The following CYB5B variants were observed in gnomAD, a reference collection of about 807,000 sequenced individuals.
The protein encoded by CYB5B is cytochrome b5 type B (outer mitochondrial membrane).
Under a neutral mutation model 21.3 loss-of-function variants are expected in CYB5B, and 14 were observed. That is an observed-to-expected ratio of 0.66 (90% CI 0.43 to 1.03). The LOEUF is 1.03. Among genes scored for constraint, CYB5B ranks in the 50% least tolerant of loss-of-function variants. CYB5B has a pLI of 0.00. For synonymous variants in CYB5B, 69 were observed against 68.4 expected, an observed-to-expected ratio of 1.01 and a Z score of -0.04; for missense variants, 166 against 185.1, an observed-to-expected ratio of 0.90 and a Z score of 0.60.
chr16:69,459,991 T>A (rs1013708722), intron 4 of CYB5B, among the ~76,000 whole-genome samples: 3 of 151,974 alleles, frequency 2.0e-5, no homozygotes, highest in African/African-American at 7.3e-5. Flanking sequence ...TGGCTCACGC[T>A]TGTAATCCCA....
At chr16:69,438,977 T>C (rs1232969756) in intron 1 of CYB5B, among the ~76,000 whole-genome samples, 1 of 152,230 alleles carries the variant, frequency 6.6e-6, no homozygotes, top group African/African-American at 2.4e-5. Context: ...TTATCTGTTT[T>C]TTTTTGTTGT....
intron 1 of CYB5B, among the ~76,000 whole-genome samples, chr16:69,440,745 C>CGTGTGTGTGTGGGT (rs1555509701): frequency 6.8e-6 from 1 of 146,318 alleles, no homozygotes; most frequent in African/African-American, 2.6e-5. Context: ...GTGTGTGTTG[C>CGTGTGTGTGTGGGT]GTGTGTGTGT....
In CYB5B at chr16:69,440,014, G is replaced by A. The variant is rs143924584; in HGVS notation, c.175-7136G>A. Among the ~76,000 whole-genome samples, 1,514 of 152,146 alleles carry A rather than the reference G, an allele frequency of 1.0e-2. 29 individuals are homozygous for A. The highest frequency in any genetic ancestry group is 0.033 in the African/African-American group (1,386 of 41,494). On this transcript the variant is annotated intron_variant, in intron 1 of 4. Coordinates refer to ENST00000307892, the MANE Select transcript of CYB5B (RefSeq NM_030579.3). ...CTCCCAAGTAGCTGGGACTACAGATGTGCACCACCACACCTGGCCAATTTT... is the reference window on the plus strand; with the variant it reads ...CTCCCAAGTAGCTGGGACTACAGATATGCACCACCACACCTGGCCAATTTT...
chr16:69,442,145 C>CAAG (rs1610970), intron 1 of CYB5B, among the ~76,000 whole-genome samples: 129,694 of 151,914 alleles, frequency 0.85, 55,794 homozygotes, highest in African/African-American at 0.95. Context: ...GCTTGGATCT[C>CAAG]AAAATAGGAG....
chr16:69,448,019 G>T, intron 2 of CYB5B, 96 bp from the exon 3 acceptor site: 1 of 1,300,484 alleles, frequency 7.7e-7, no homozygotes, highest in Admixed American at 2.1e-5. Flanking sequence ...ACTATCACCA[G>T]AATATAGTCT....
In CYB5B at chr16:69,424,786, C is replaced by T; in HGVS notation, c.103C>T (p.Arg35Cys). 1 of 1,609,170 alleles carries T rather than the reference C, an allele frequency of 6.2e-7. No homozygotes were observed. Among genetic ancestry groups the T allele is most frequent in the Non-Finnish European group, 8.5e-7 (1 of 1,177,648 alleles). ...TYYRLEEVAK[R>C]NSLKELWLVI... ...TTACCGGTTGGAGGAGGTGGCAAAG[C>T]GCAACTCCTTGAAGGAACTGTGGCT... Residue 35 changes from arginine to cysteine, a missense_variant, in exon 1 of 5, where the codon CGC becomes TGC. Coordinates refer to ENST00000307892, the MANE Select transcript of CYB5B (RefSeq NM_030579.3).
intron 2 of CYB5B, among the ~76,000 whole-genome samples, chr16:69,447,571 A>C (rs1227317916): frequency 6.6e-6 from 1 of 151,202 alleles, no homozygotes; most frequent in Non-Finnish European, 1.5e-5. Flanking sequence ...TGAACCTGGG[A>C]GGCAGAGGTT....
intron 1 of CYB5B, among the ~76,000 whole-genome samples, chr16:69,446,320 TA>T (rs2014877590): frequency 6.6e-6 from 1 of 152,166 alleles, no homozygotes; most frequent in Non-Finnish European, 1.5e-5. Flanking sequence ...ATAGTTAACT[TA>T]TTTATTTATT....
intron 1 of CYB5B, among the ~76,000 whole-genome samples, chr16:69,445,662 T>C (rs887095540): frequency 6.6e-6 from 1 of 152,210 alleles, no homozygotes; most frequent in Non-Finnish European, 1.5e-5. Flanking sequence ...TAATGCTTTA[T>C]TTGGTAAAAC....
intron 1 of CYB5B, among the ~76,000 whole-genome samples, chr16:69,434,290 C>T (rs1439662452): frequency 6.6e-6 from 1 of 152,158 alleles, no homozygotes; most frequent in Non-Finnish European, 1.5e-5. Context: ...TGGGTTGTCT[C>T]CAGTTTGGGG....
chr16:69,456,114 C>T (rs755883971), intron 3 of CYB5B, among the ~76,000 whole-genome samples: 1 of 151,850 alleles, frequency 6.6e-6, no homozygotes, highest in Admixed American at 6.6e-5. Flanking sequence ...CTAAAAAGTC[C>T]GTCTTTTGTG....
chr16:69,437,724 C>T (rs527472774), intron 1 of CYB5B, among the ~76,000 whole-genome samples: 5 of 152,168 alleles, frequency 3.3e-5, no homozygotes, highest in East Asian at 1.9e-4. Context: ...AAAACTTTTT[C>T]GTTACCACTC....
rs938599482 is a variant in CYB5B at position 69,464,154 on chromosome 16, A to G, written c.*1634A>G. The G allele has an allele frequency of 3.9e-5, 6 of 152,196 alleles. No individual in the cohort carries two copies. The highest frequency in any genetic ancestry group is 8.8e-5 in the Non-Finnish European group (6 of 68,042). The allele number at this position is 152,196 out of a possible 1,614,324, so 9.4% of individuals were successfully genotyped here. A position where few individuals can be genotyped will look rare whatever the true frequency, so the allele number is the denominator to read the frequency against. ...AAACCAGGGACTGCCCATGTAAACT[A>G]TTTAAGAAAAAGTTCAACCCAGGTC... On this transcript the variant is annotated 3_prime_UTR_variant, in exon 5 of 5. Coordinates refer to ENST00000307892, the MANE Select transcript of CYB5B (RefSeq NM_030579.3).
chr16:69,428,740 G>C (rs544244893), intron 1 of CYB5B, among the ~76,000 whole-genome samples: 1 of 152,238 alleles, frequency 6.6e-6, no homozygotes, highest in South Asian at 2.1e-4. Flanking sequence ...AAATTTTAGC[G>C]ATGGTGCCGA....
At chr16:69,436,681 G>A (rs191710520) in intron 1 of CYB5B, among the ~76,000 whole-genome samples, 1 of 152,186 alleles carries the variant, frequency 6.6e-6, no homozygotes, top group Admixed American at 6.5e-5. Flanking sequence ...TCATCACTAG[G>A]CCTAATTTTG....
At chr16:69,448,198 CT>C (rs1250521757) in intron 3 of CYB5B, 54 bp downstream of exon 3, 10 of 1,579,262 alleles carry the variant, frequency 6.3e-6, no homozygotes, top group Middle Eastern at 1.7e-4. Context: ...TCAAGTAGGA[CT>C]GCTTTTTGAA....
intron 1 of CYB5B, 33 bp from the exon 2 acceptor site, chr16:69,447,117 A>G (rs966497115): frequency 4.4e-6 from 7 of 1,604,898 alleles, no homozygotes; most frequent in African/African-American, 2.7e-5. Context: ...TTTTCAGAGA[A>G]CCCTCGGTTC....
intron 1 of CYB5B, among the ~76,000 whole-genome samples, chr16:69,434,106 AC>A (rs1237393783): frequency 6.6e-6 from 1 of 152,208 alleles, no homozygotes; most frequent in African/African-American, 2.4e-5. Flanking sequence ...TTGTCCCCAT[AC>A]ACACTCATTT....
At chr16:69,456,700 A>G (rs1004735534) in intron 3 of CYB5B, among the ~76,000 whole-genome samples, 1 of 152,232 alleles carries the variant, frequency 6.6e-6, no homozygotes, top group Non-Finnish European at 1.5e-5. Flanking sequence ...AGTCAACTAT[A>G]AACTGTAAGC....
Sources: gnomAD v4.1 joint callset for allele counts (sites outside exome capture counted in the v4.1 genomes callset) on GRCh38, gnomAD v4.1.1 for gene constraint, MANE v1.5 for transcripts, NCBI Gene and HGNC (gene_info 2026-07-23, HGNC 2026-07-21) for gene names.